PHKB: variants seen among roughly 807,000 people sequenced by gnomAD.
PHKB encodes phosphorylase b kinase regulatory subunit beta.
In PHKB, 122 loss-of-function variants were observed where a neutral mutation model predicts 152.1. That is an observed-to-expected ratio of 0.80 (90% CI 0.69 to 0.93). The LOEUF (loss-of-function observed/expected upper bound fraction) is 0.93. Among genes scored for constraint, PHKB ranks in the 40% least tolerant of loss-of-function variants. PHKB has a pLI of 0.00. For synonymous variants in PHKB, 436 were observed against 464.9 expected, an observed-to-expected ratio of 0.94 and a Z score of 0.80; for missense variants, 1,304 against 1,328.4, an observed-to-expected ratio of 0.98 and a Z score of 0.29.
chr16:47,573,550 C>T (rs1173023255), intron 7 of PHKB, among the ~76,000 whole-genome samples: 2 of 152,236 alleles, frequency 1.3e-5, no homozygotes, highest in Non-Finnish European at 2.9e-5. Context: ...GGGTCTCACA[C>T]TCACAGACTT....
At chr16:47,581,331 A>C (rs1008768112) in intron 8 of PHKB, among the ~76,000 whole-genome samples, 1 of 152,188 alleles carries the variant, frequency 6.6e-6, no homozygotes, top group Non-Finnish European at 1.5e-5. Context: ...GGCTCTGTCT[A>C]TATGAAGGTC....
chr16:47,565,636 G>C (rs1971552333), intron 7 of PHKB: 2 of 1,125,480 alleles, frequency 1.8e-6, no homozygotes, highest in Non-Finnish European at 1.4e-6. Context: ...GTCCCGGTCT[G>C]TGATGACTCA....
rs1390442478 is a variant in PHKB, at chr16:47,598,536, A to G, written c.1363+2005A>G. The G allele has an allele frequency of 9.3e-6, 6 of 644,528 alleles. No individual in the cohort carries two copies. In the East Asian group the frequency reaches 1.4e-4, roughly 15 times the overall value. The allele number at this position is 644,528 out of a possible 1,614,324, so 39.9% of individuals were successfully genotyped here. Reference sequence around the variant, plus strand: ...ATCACCAATTTTAACACTCTCCTACATATTTTCTATATCACTTTTCTTGAT... The same window carrying G: ...ATCACCAATTTTAACACTCTCCTACGTATTTTCTATATCACTTTTCTTGAT... On this transcript the variant is annotated intron_variant, in intron 13 of 30. Coordinates refer to ENST00000323584, the MANE Select transcript of PHKB (RefSeq NM_000293.3).
chr16:47,622,407 G>C (rs532871382), intron 14 of PHKB, among the ~76,000 whole-genome samples: 20 of 152,214 alleles, frequency 1.3e-4, no homozygotes, highest in Non-Finnish European at 2.1e-4. Flanking sequence ...ATTGGGCTTT[G>C]GGAGTGTCTA....
chr16:47,574,638 A>G (rs191080143), intron 7 of PHKB, among the ~76,000 whole-genome samples: 125 of 152,344 alleles, frequency 8.2e-4, no homozygotes, highest in African/African-American at 2.9e-3. Flanking sequence ...GAACTGGAGT[A>G]TAGAAATCAC....
chr16:47,493,962 A>G (rs919536342), intron 1 of PHKB, among the ~76,000 whole-genome samples: 3 of 152,344 alleles, frequency 2.0e-5, no homozygotes, highest in Admixed American at 6.5e-5. Context: ...CTTGCCTTTT[A>G]TAGAGCTTCA....
intron 1 of PHKB, among the ~76,000 whole-genome samples, chr16:47,476,652 T>A (rs1969873661): frequency 1.3e-5 from 2 of 152,234 alleles, no homozygotes; most frequent in African/African-American, 2.4e-5. Context: ...AAGTCCTTCT[T>A]AGTTTTTTAA....
chr16:47,651,908 G>A (rs1227490223), intron 20 of PHKB, among the ~76,000 whole-genome samples: 2 of 151,904 alleles, frequency 1.3e-5, no homozygotes, highest in African/African-American at 4.8e-5. Context: ...TTATCTTGCA[G>A]TTCTTCTATT....
At chr16:47,577,288 C>G (rs2151691057) in intron 7 of PHKB, among the ~76,000 whole-genome samples, 1 of 152,158 alleles carries the variant, frequency 6.6e-6, no homozygotes, top group East Asian at 1.9e-4. Flanking sequence ...TCATTTATGT[C>G]TTATTACCAT....
At chr16:47,652,526 C>T (rs1973255822) in intron 20 of PHKB, among the ~76,000 whole-genome samples, 1 of 152,126 alleles carries the variant, frequency 6.6e-6, no homozygotes, top group East Asian at 1.9e-4. Context: ...GTATAACATT[C>T]CCTTTTCTCT....
chr16:47,567,018 G>T, intron 7 of PHKB: 2 of 391,074 alleles, frequency 5.1e-6, no homozygotes, highest in South Asian at 6.0e-5. Context: ...TTTAAGTCAG[G>T]TAATGTGATA....
chr16:47,650,242 A>G (rs919061784), intron 18 of PHKB, among the ~76,000 whole-genome samples: 2 of 152,180 alleles, frequency 1.3e-5, no homozygotes, highest in African/African-American at 4.8e-5. Context: ...AAATAAATAA[A>G]CAAATAAATA....
At chr16:47,660,962 T>A in intron 22 of PHKB, 143 bp downstream of exon 22, 1 of 810,272 alleles carries the variant, frequency 1.2e-6, no homozygotes. Context: ...CCCAGGGCAA[T>A]CATGAGAAGT....
chr16:47,508,986 A>G (rs1970465192), intron 4 of PHKB, among the ~76,000 whole-genome samples: 1 of 152,170 alleles, frequency 6.6e-6, no homozygotes, highest in Admixed American at 6.5e-5. Flanking sequence ...CCCCTGACAT[A>G]GTGATTGAAT....
chr16:47,562,624 T>C (rs1971495622), intron 7 of PHKB: 1 of 152,202 alleles, frequency 6.6e-6, no homozygotes, highest in East Asian at 1.9e-4. Context: ...CTTCAGTGAG[T>C]TGTAAACTTC....
At chr16:47,676,030 G>A (rs1419729480) in intron 26 of PHKB, 1 of 152,132 alleles carries the variant, frequency 6.6e-6, no homozygotes, top group Non-Finnish European at 1.5e-5. Context: ...ACCCCTTTAA[G>A]TGAATGGGCC....
chr16:47,653,490 T>C (rs1355745433), intron 20 of PHKB, among the ~76,000 whole-genome samples: 2 of 152,222 alleles, frequency 1.3e-5, no homozygotes, highest in Non-Finnish European at 2.9e-5. Flanking sequence ...GTCCTGAGGC[T>C]CTTTCCTGTT....
intron 26 of PHKB, among the ~76,000 whole-genome samples, chr16:47,682,580 C>A (rs905613705): frequency 1.3e-5 from 2 of 152,216 alleles, no homozygotes; most frequent in African/African-American, 4.8e-5. Context: ...CTGCATTCTT[C>A]ACATAGTTCT....
chr16:47,694,974 G>A (rs947491337), intron 28 of PHKB, among the ~76,000 whole-genome samples: 2 of 152,168 alleles, frequency 1.3e-5, no homozygotes, highest in Non-Finnish European at 2.9e-5. Context: ...TATGCACCAA[G>A]CACTTTTCTA....
Sources: gnomAD v4.1 joint callset for allele counts (sites outside exome capture counted in the v4.1 genomes callset) on GRCh38, gnomAD v4.1.1 for gene constraint, MANE v1.5 for transcripts, NCBI Gene and HGNC (gene_info 2026-07-23, HGNC 2026-07-21) for gene names.